The following RGS7 variants were observed in gnomAD, a reference collection of about 807,000 sequenced individuals.
RGS7 encodes the protein regulator of G-protein signaling 7.
In RGS7, 27 loss-of-function variants were observed where a neutral mutation model predicts 81.1. The observed-to-expected ratio is 0.33, with a 90% CI of 0.25 to 0.46. The LOEUF is 0.46. Ranked by LOEUF, RGS7 falls within the 20% of genes least tolerant of loss-of-function variation. The pLI, the probability that RGS7 is intolerant of heterozygous loss-of-function variation, is 1.00. For synonymous variants in RGS7, 208 were observed against 207.7 expected, an observed-to-expected ratio of 1.00 and a Z score of -0.01; for missense variants, 396 against 607.4, an observed-to-expected ratio of 0.65 and a Z score of 3.66.
chr1:241,319,963 C>T (rs927586913), intron 2 of RGS7, among the ~76,000 whole-genome samples: 10 of 151,844 alleles, frequency 6.6e-5, no homozygotes, highest in Non-Finnish European at 1.5e-4. Flanking sequence ...TGGTGGTGTG[C>T]GCCTTTAATC....
At chr1:240,944,393 C>G (rs1272492559) in intron 4 of RGS7, among the ~76,000 whole-genome samples, 1 of 145,026 alleles carries the variant, frequency 6.9e-6, no homozygotes, top group African/African-American at 2.6e-5. Context: ...CATCTAAGTA[C>G]AGTGTGAGGA....
At chr1:240,814,275 A>C (rs1190722394) in intron 12 of RGS7, among the ~76,000 whole-genome samples, 1 of 152,224 alleles carries the variant, frequency 6.6e-6, no homozygotes, top group Non-Finnish European at 1.5e-5. Flanking sequence ...GATTTAAATG[A>C]AGCAAAGGAA....
intron 14 of RGS7, among the ~76,000 whole-genome samples, chr1:240,811,395 G>A (rs1202067184): frequency 6.6e-6 from 1 of 152,186 alleles, no homozygotes; most frequent in Non-Finnish European, 1.5e-5. Context: ...ACTCTCTCAC[G>A]AACAGCTCAA....
At chr1:240,989,363 G>A (rs1341147996) in intron 3 of RGS7, among the ~76,000 whole-genome samples, 3 of 151,760 alleles carry the variant, frequency 2.0e-5, no homozygotes, top group Admixed American at 1.3e-4. Flanking sequence ...TCAAACCAGG[G>A]AGCTCGAGGT....
intron 15 of RGS7, among the ~76,000 whole-genome samples, chr1:240,805,103 A>G (rs989981964): frequency 6.6e-6 from 1 of 152,146 alleles, no homozygotes; most frequent in Admixed American, 6.6e-5. Context: ...GAGTGGGTGC[A>G]GTGGCTTATG....
intron 4 of RGS7, among the ~76,000 whole-genome samples, chr1:240,968,659 CATT>C (rs1220528607): frequency 1.3e-5 from 2 of 152,010 alleles, no homozygotes; most frequent in Non-Finnish European, 2.9e-5. Context: ...TTTTTAGACT[CATT>C]ATTTTTAAAA....
chr1:240,852,549 A>G (rs1660305001), intron 9 of RGS7, among the ~76,000 whole-genome samples: 1 of 152,154 alleles, frequency 6.6e-6, no homozygotes, highest in Non-Finnish European at 1.5e-5. Flanking sequence ...ATTTATATAA[A>G]GTACCAGGAA....
At chr1:241,112,769 G>T (rs1216092122) in intron 2 of RGS7, among the ~76,000 whole-genome samples, 1 of 152,134 alleles carries the variant, frequency 6.6e-6, no homozygotes, top group African/African-American at 2.4e-5. Context: ...TACTTTAATT[G>T]TACCCTTGCT....
At chr1:241,078,127 G>A (rs2062912542) in intron 3 of RGS7, among the ~76,000 whole-genome samples, 1 of 148,736 alleles carries the variant, frequency 6.7e-6, no homozygotes, top group African/African-American at 2.5e-5. Context: ...GAATCAAATT[G>A]TTGTGTATGC....
At chr1:241,308,455 C>T (rs2080304726) in intron 2 of RGS7, among the ~76,000 whole-genome samples, 1 of 152,212 alleles carries the variant, frequency 6.6e-6, no homozygotes, top group African/African-American at 2.4e-5. Context: ...GAAGCATCTG[C>T]TCTGCAAGGT....
At chr1:241,297,470 G>A (rs1207258032) in intron 2 of RGS7, among the ~76,000 whole-genome samples, 1 of 152,206 alleles carries the variant, frequency 6.6e-6, no homozygotes, top group Non-Finnish European at 1.5e-5. Flanking sequence ...CAGCATTACT[G>A]TAAGGGGATG....
chr1:240,778,222 G>C (rs1203238251), intron 18 of RGS7, among the ~76,000 whole-genome samples: 1 of 151,618 alleles, frequency 6.6e-6, no homozygotes, highest in Non-Finnish European at 1.5e-5. Context: ...CCTTCCAAAG[G>C]CCCTGGCTCC....
intron 2 of RGS7, among the ~76,000 whole-genome samples, chr1:241,227,308 T>C (rs568310092): frequency 6.6e-6 from 1 of 152,132 alleles, no homozygotes; most frequent in Non-Finnish European, 1.5e-5. Flanking sequence ...TGACAAAGGC[T>C]GGGAGTGCTG....
intron 2 of RGS7, among the ~76,000 whole-genome samples, chr1:241,299,066 C>T (rs1352718956): frequency 1.3e-5 from 2 of 152,224 alleles, no homozygotes; most frequent in Non-Finnish European, 2.9e-5. Flanking sequence ...GCAAAGTAAT[C>T]TCTGCAGACA....
At chr1:241,057,988 A>G (rs2061556117) in intron 3 of RGS7, among the ~76,000 whole-genome samples, 1 of 152,200 alleles carries the variant, frequency 6.6e-6, no homozygotes, top group Admixed American at 6.5e-5. Flanking sequence ...TCATCCCACT[A>G]GGAATGTCAG....
chr1:240,781,938 C>G (rs550893217), intron 18 of RGS7, among the ~76,000 whole-genome samples: 136 of 152,032 alleles, frequency 8.9e-4, no homozygotes, highest in African/African-American at 3.2e-3. Flanking sequence ...TCACCTGAAC[C>G]TGGGAGGAGG....
chr1:241,200,622 T>A (rs1443206906), intron 2 of RGS7, among the ~76,000 whole-genome samples: 1 of 152,192 alleles, frequency 6.6e-6, no homozygotes, highest in African/African-American at 2.4e-5. Flanking sequence ...CTCCAACCTC[T>A]TGTTTCACAG....
chr1:240,859,526 A>G (rs1314049433), intron 9 of RGS7, among the ~76,000 whole-genome samples: 1 of 120,172 alleles, frequency 8.3e-6, no homozygotes, highest in African/African-American at 3.2e-5. Context: ...TTTCATTATT[A>G]TGCTTTTAGT....
chr1:241,102,540 A>G (rs1215629994), intron 2 of RGS7, among the ~76,000 whole-genome samples: 1 of 152,198 alleles, frequency 6.6e-6, no homozygotes, highest in South Asian at 2.1e-4. Flanking sequence ...CTAAAATGAG[A>G]TCAGTCATTC....
Sources: gnomAD v4.1 joint callset for allele counts (sites outside exome capture counted in the v4.1 genomes callset) on GRCh38, gnomAD v4.1.1 for gene constraint, MANE v1.5 for transcripts, NCBI Gene and HGNC (gene_info 2026-07-23, HGNC 2026-07-21) for gene names.